Variants in SLC12A4 observed in about 807,000 individuals in gnomAD.
The protein encoded by SLC12A4 is electroneutral potassium-chloride cotransporter 1.
Under a neutral mutation model 119.2 loss-of-function variants are expected in SLC12A4, and 84 were observed. The observed-to-expected ratio is 0.70, with a 90% CI of 0.59 to 0.85. SLC12A4 has a LOEUF of 0.85. Among genes scored for constraint, SLC12A4 ranks in the 40% least tolerant of loss-of-function variants. The pLI, the probability that SLC12A4 is intolerant of heterozygous loss-of-function variation, is 0.00. For synonymous variants in SLC12A4, 599 were observed against 604.6 expected (o/e 0.99, Z 0.14); for missense variants, 1,298 against 1,476.3 (o/e 0.88, Z 1.98).
rs370975914 is a variant in SLC12A4 at position 67,951,254 on chromosome 16, C to T, written c.1183G>A (p.Gly395Arg). 8.1e-6 allele frequency: 13 copies of T among 1,613,982 alleles called. No homozygotes were observed. The African/African-American group carries it at 1.5e-4, about 18-fold the overall frequency. Residue 395 changes from glycine to arginine, a missense_variant, in exon 9 of 24, where the codon GGG (glycine) becomes AGG (arginine). Physicochemically the swap from Gly to Arg is moderately radical, Grantham distance 125 (BLOSUM62 -2). Transcript: ENST00000316341. This position sits in a 1 kb window ranked among gnomAD's most constrained non-coding sequence, Gnocchi z 5.2. ...LEKGDIVEKHGLPSADAPSLK... is the reference protein window; with the variant it reads ...LEKGDIVEKHRLPSADAPSLK... ...CTCGGGGCATCTGCGGAGGGCAGCC[C>T]ATGCTTCTCCACGATGTCACCCTTC...
chr16:67,963,780 A>G (rs2030710450), intron 1 of SLC12A4: 3 of 1,132,704 alleles, frequency 2.6e-6, no homozygotes, highest in Non-Finnish European at 3.7e-6. Context: ...CATTCCCTCC[A>G]GTGAAGGGAA....
At chr16:67,963,908 C>G in intron 1 of SLC12A4, 1 of 1,551,184 alleles carries the variant, frequency 6.4e-7, no homozygotes, top group Non-Finnish European at 8.7e-7. Context: ...GCCCCAGTCC[C>G]TTTCCCGGTC....
At position 67,951,432 on chromosome 16, in the gene SLC12A4, G is replaced by T; in HGVS notation, c.1133-128C>A. The T allele has an allele frequency of 2.0e-6, 2 of 1,024,170 alleles. No individual in the cohort carries two copies. Among genetic ancestry groups the T allele is most frequent in the Non-Finnish European group, 2.8e-6 (2 of 711,436 alleles). The allele number at this position is 1,024,170 out of a possible 1,614,324, so 63.4% of individuals were successfully genotyped here. A position where few individuals can be genotyped will look rare whatever the true frequency, so the allele number is the denominator to read the frequency against. On this transcript the variant is annotated intron_variant, in intron 8 of 23. Coordinates refer to ENST00000316341, the MANE Select transcript of SLC12A4 (RefSeq NM_005072.5). The surrounding 1 kb of genome is among the most constrained non-coding windows in gnomAD (Gnocchi z 5.2). The stretch of plus-strand genomic sequence containing the variant: ...AGGGAACAGCTTCAGCCCAATGACT[G>T]CAGCGTCAGCCACAGGGCTACCCTG...
chr16:67,965,681 G>A (rs1567428724), intron 1 of SLC12A4, among the ~76,000 whole-genome samples: 2 of 152,164 alleles, frequency 1.3e-5, no homozygotes, highest in East Asian at 3.8e-4. Flanking sequence ...ATACAGCTGA[G>A]CACACAGCAG....
At position 67,950,506 on chromosome 16, in the gene SLC12A4, C is replaced by G. The variant is rs926014681; in HGVS notation, c.1455-13G>C. 6.2e-7 allele frequency: 1 copy of G among 1,613,558 alleles called. No homozygotes were observed. Among genetic ancestry groups the G allele is most frequent in the Non-Finnish European group, 8.5e-7 (1 of 1,179,832 alleles). ...ACCATCGCCATACCTGCAGGGGCCA[C>G]CAGAGTGAGGGATGTCAGGGGTCCG... On this transcript the variant is annotated splice_polypyrimidine_tract_variant and intron_variant, in intron 11 of 23. Transcript: ENST00000316341. This position sits in a 1 kb window ranked among gnomAD's most constrained non-coding sequence, Gnocchi z 4.3.
Position 67,950,772 on chromosome 16 carries a change from G to A in SLC12A4, c.1397-61C>T, listed in dbSNP as rs1479629847. ...CCCCACTGTCCCTGAATAGTACCACGTGCCCCCACCCCAGCCAGACTACCA... is the reference window on the plus strand; with the variant it reads ...CCCCACTGTCCCTGAATAGTACCACATGCCCCCACCCCAGCCAGACTACCA... On this transcript the variant is annotated intron_variant, in intron 10 of 23. Transcript: ENST00000316341. This position sits in a 1 kb window ranked among gnomAD's most constrained non-coding sequence, Gnocchi z 4.3. 4.5e-6 allele frequency: 7 copies of A among 1,561,518 alleles called. No homozygotes were observed. Among genetic ancestry groups the A allele is most frequent in the Non-Finnish European group, 4.3e-6 (5 of 1,150,550 alleles).
chr16:67,945,315 C>T, intron 22 of SLC12A4, 54 bp downstream of exon 22: 2 of 1,576,524 alleles, frequency 1.3e-6, no homozygotes, highest in Non-Finnish European at 1.7e-6. Flanking sequence ...TCTGCCCCAC[C>T]CCACCTCCAC....
intron 1 of SLC12A4, chr16:67,966,668 A>G (rs936177987): frequency 4.6e-6 from 7 of 1,509,634 alleles, no homozygotes; most frequent in African/African-American, 1.4e-5. Context: ...TGAACTGGGG[A>G]AGGGGCAGGA....
intron 6 of SLC12A4, among the ~76,000 whole-genome samples, chr16:67,952,758 C>T (rs1381157521): frequency 3.3e-5 from 5 of 149,380 alleles, no homozygotes; most frequent in African/African-American, 5.0e-5. Context: ...CACTGCACTC[C>T]AGCCTGGGTG....
chr16:67,961,634 C>T lies in SLC12A4; in HGVS notation c.283G>A (p.Gly95Ser). 1 of 1,614,162 alleles carries T rather than the reference C, an allele frequency of 6.2e-7. No homozygotes were observed. ...KLVSYTNLTQ[G>S]AKEHEEAESG... ...TCGGCCTCCTCATGCTCTTTGGCGC[C>T]CTGGGTGAGGTTGGTGTAGCTGACG... is the stretch of plus-strand genomic sequence containing the variant. Residue 95 changes from glycine (G) to serine (S), a missense_variant, in exon 3 of 24, where the codon GGC becomes AGC. Physicochemically the swap from Gly to Ser is moderately conservative, Grantham distance 56. Transcript: ENST00000316341.
At chr16:67,964,124 G>C (rs1555502557) in intron 1 of SLC12A4, 2 of 1,500,846 alleles carry the variant, frequency 1.3e-6, no homozygotes, top group South Asian at 2.5e-5. Context: ...GCAAGCCCCA[G>C]GCCGTGGAGA....
rs762519772 is a variant in SLC12A4 at position 67,948,118 on chromosome 16, G to A, written c.1790C>T (p.Ala597Val). 16 of 1,613,118 alleles carry A rather than the reference G, an allele frequency of 9.9e-6. No individual in the cohort carries two copies. Among genetic ancestry groups the A allele is most frequent in the South Asian group, 8.8e-5 (8 of 91,096 alleles). ...MCYLFVNLAC[A>V]VQTLLRTPNW... ...GGGGGTCCTCAGGAGTGTCTGCACC[G>A]CACAGGCGAGGTTCACGAACAGGTA... The change falls in exon 14 of 24, where the codon GCG becomes GTG. Residue 597 changes from alanine to valine, a missense_variant. Physicochemically the swap from Ala to Val is moderately conservative, Grantham distance 64 (BLOSUM62 0). Transcript: ENST00000316341.
At position 67,950,506 on chromosome 16, in the gene SLC12A4, C is replaced by T. The variant is rs926014681; in HGVS notation, c.1455-13G>A. 1 of 1,613,676 alleles carries T rather than the reference C, an allele frequency of 6.2e-7. No individual in the cohort carries two copies. The highest frequency in any genetic ancestry group is 8.5e-7 in the Non-Finnish European group (1 of 1,179,824). On this transcript the variant is annotated splice_polypyrimidine_tract_variant and intron_variant, in intron 11 of 23. Transcript: ENST00000316341. This position sits in a 1 kb window ranked among gnomAD's most constrained non-coding sequence, Gnocchi z 4.3. The stretch of plus-strand genomic sequence containing the variant: ...ACCATCGCCATACCTGCAGGGGCCA[C>T]CAGAGTGAGGGATGTCAGGGGTCCG...
In SLC12A4 at chr16:67,950,598, T is replaced by A; in HGVS notation, c.1454+56A>T. On this transcript the variant is annotated intron_variant, in intron 11 of 23. Coordinates refer to ENST00000316341, the MANE Select transcript of SLC12A4 (RefSeq NM_005072.5). This position sits in a 1 kb window ranked among gnomAD's most constrained non-coding sequence, Gnocchi z 4.3. ...GACCACCCACGGGGTTGGGAGCTGG[T>A]GTGAGGGCAGGCCAAAGCCCAGCCG... 3 of 1,608,120 alleles carry A rather than the reference T, an allele frequency of 1.9e-6. No individual in the cohort carries two copies. Among genetic ancestry groups the A allele is most frequent in the South Asian group, 2.2e-5 (2 of 90,514 alleles).
intron 3 of SLC12A4, among the ~76,000 whole-genome samples, chr16:67,959,570 A>C (rs2030453953): frequency 6.6e-6 from 1 of 152,138 alleles, no homozygotes; most frequent in Admixed American, 6.5e-5. Flanking sequence ...ATGGCTCCTC[A>C]ACCTGTCCTG....
intron 1 of SLC12A4, among the ~76,000 whole-genome samples, chr16:67,966,304 C>T (rs1220138415): frequency 6.6e-6 from 1 of 152,264 alleles, no homozygotes; most frequent in Non-Finnish European, 1.5e-5. Flanking sequence ...GCCTGGATGT[C>T]TGTACTGCCC....
At chr16:67,947,986 C>T (rs1401381835) in intron 14 of SLC12A4, 75 bp downstream of exon 14, 1 of 1,536,182 alleles carries the variant, frequency 6.5e-7, no homozygotes, top group Admixed American at 1.7e-5. Flanking sequence ...AGCTCCCTAC[C>T]CAGGAAACCC....
intron 2 of SLC12A4, among the ~76,000 whole-genome samples, chr16:67,961,931 C>T (rs553063442): frequency 3.3e-5 from 5 of 152,342 alleles, no homozygotes; most frequent in African/African-American, 7.2e-5. Flanking sequence ...CTCTCTACCC[C>T]GCCTTGGCTA....
Position 67,945,886 on chromosome 16 carries a change from G to A in SLC12A4, c.2740-15C>T, listed in dbSNP as rs2058339372. On this transcript the variant is annotated splice_polypyrimidine_tract_variant and intron_variant, in intron 20 of 23. Transcript: ENST00000316341. ...TCACTGTTATGCTGGGGACAGGGTTGGCCGTGAGGACCCAGCTGCACGGGA... is the reference window on the plus strand; with the variant it reads ...TCACTGTTATGCTGGGGACAGGGTTAGCCGTGAGGACCCAGCTGCACGGGA... 1 of 1,613,730 alleles carries A rather than the reference G, an allele frequency of 6.2e-7. No individual in the cohort carries two copies. The highest frequency in any genetic ancestry group is 8.5e-7 in the Non-Finnish European group (1 of 1,179,748).
Sources: allele counts gnomAD v4.1 joint callset (sites outside exome capture counted in the v4.1 genomes callset), GRCh38; gene constraint gnomAD v4.1.1; non-coding constraint Gnocchi (gnomAD v3.1); transcripts MANE v1.5; gene names NCBI Gene and HGNC (gene_info 2026-07-23, HGNC 2026-07-21).